CTBP2: variants seen among roughly 807,000 people sequenced by gnomAD.
The protein encoded by CTBP2 is C-terminal binding protein 2.
Under a neutral mutation model 80.3 loss-of-function variants are expected in CTBP2, and 30 were observed. The ratio of observed to expected loss-of-function variants is 0.37; its 90% CI spans 0.28 to 0.51. The LOEUF is 0.51. CTBP2 is among the 20% of genes least tolerant of loss of function. CTBP2 has a pLI of 0.93. For synonymous variants in CTBP2, 594 were observed against 587.4 expected, an observed-to-expected ratio of 1.01 and a Z score of -0.16; for missense variants, 1,212 against 1,375.3, an observed-to-expected ratio of 0.88 and a Z score of 1.88.
chr10:125,116,459 A>C (rs957539442), intron 1 of CTBP2, among the ~76,000 whole-genome samples: 2 of 151,688 alleles, frequency 1.3e-5, no homozygotes, highest in Non-Finnish European at 2.9e-5. Context: ...CCCTCCTCCC[A>C]ACACTCTGGC....
intron 1 of CTBP2, among the ~76,000 whole-genome samples, chr10:125,131,892 G>A (rs1856247952): frequency 6.6e-6 from 1 of 152,208 alleles, no homozygotes; most frequent in Non-Finnish European, 1.5e-5. Flanking sequence ...CACATTCCAT[G>A]TGGGAACTAT....
At chr10:125,055,806 G>A (rs1409916068) in intron 2 of CTBP2, among the ~76,000 whole-genome samples, 3 of 152,244 alleles carry the variant, frequency 2.0e-5, no homozygotes, top group African/African-American at 7.2e-5. Flanking sequence ...CCTCTGAGGA[G>A]TGGGACTGTG....
intron 5 of CTBP2, 141 bp downstream of exon 7, chr10:124,994,328 A>G: frequency 1.2e-6 from 1 of 848,402 alleles, no homozygotes; most frequent in Non-Finnish European, 1.9e-6. Context: ...GTGGCTTGTC[A>G]CTGGTTTGTT....
chr10:125,061,028 C>T (rs1472479553), intron 2 of CTBP2, among the ~76,000 whole-genome samples: 1 of 152,198 alleles, frequency 6.6e-6, no homozygotes, highest in Non-Finnish European at 1.5e-5. Flanking sequence ...CGGCTCCCGG[C>T]AACCCTCAAT....
At chr10:125,022,492 GAGGA>G (rs986310152) in intron 1 of CTBP2, among the ~76,000 whole-genome samples, 4 of 138,418 alleles carry the variant, frequency 2.9e-5, no homozygotes, top group African/African-American at 1.4e-4. Context: ...ACAGGTCAAT[GAGGA>G]AGGAAGGAAG....
Position 125,039,125 on chromosome 10 carries a change from G to A in CTBP2, c.-71C>T. On this transcript the variant is annotated 5_prime_UTR_variant, in exon 3 of 11. Transcript: ENST00000337195. ...CTCTAAGAACTTAGGGGAACTTGCAGGAGTCTGCGTGCATGACGCCACTAT... is the reference window on the plus strand; with the variant it reads ...CTCTAAGAACTTAGGGGAACTTGCAAGAGTCTGCGTGCATGACGCCACTAT... 3 of 1,386,272 alleles carry A rather than the reference G, an allele frequency of 2.2e-6. No individual in the cohort carries two copies. In the East Asian group the frequency reaches 6.9e-5, roughly 32 times the overall value. The allele number at this position is 1,386,272 out of a possible 1,614,324, so 85.9% of individuals were successfully genotyped here. A position where few individuals can be genotyped will look rare whatever the true frequency, so the allele number is the denominator to read the frequency against.
At chr10:125,070,571 T>C (rs890782164) in intron 2 of CTBP2, among the ~76,000 whole-genome samples, 2 of 148,020 alleles carry the variant, frequency 1.4e-5, no homozygotes, top group African/African-American at 5.0e-5. Context: ...ATGATAATGA[T>C]AATAATAATA....
intron 2 of CTBP2, among the ~76,000 whole-genome samples, chr10:125,080,475 C>T (rs1430666540): frequency 2.0e-5 from 3 of 152,152 alleles, no homozygotes; most frequent in East Asian, 3.8e-4. Flanking sequence ...GGGGATTGAG[C>T]GCTGTCGACC....
At chr10:125,120,778 A>G (rs971028119) in intron 1 of CTBP2, among the ~76,000 whole-genome samples, 5 of 152,222 alleles carry the variant, frequency 3.3e-5, no homozygotes, top group African/African-American at 1.2e-4. Context: ...CTCGGGCTCA[A>G]GTATTCTTCT....
chr10:125,033,039 G>T (rs1958424492), upstream of CTBP2, among the ~76,000 whole-genome samples: 1 of 152,202 alleles, frequency 6.6e-6, no homozygotes, highest in African/African-American at 2.4e-5. Flanking sequence ...GGATACGAAA[G>T]AACTGACTCT....
At chr10:125,011,341 T>A (rs977920733) in intron 1 of CTBP2, among the ~76,000 whole-genome samples, 4 of 152,174 alleles carry the variant, frequency 2.6e-5, no homozygotes, top group Non-Finnish European at 5.9e-5. Context: ...ATGTGACACA[T>A]GAGAGGCTCC....
intron 2 of CTBP2, among the ~76,000 whole-genome samples, chr10:125,081,728 G>C (rs1471664382): frequency 6.6e-6 from 1 of 151,986 alleles, no homozygotes; most frequent in Non-Finnish European, 1.5e-5. Context: ...TTAGAATCAA[G>C]ATTGACTGAT....
At chr10:125,134,881 TCCTGCCCCCTGCCC>T (rs139995927) in intron 1 of CTBP2, among the ~76,000 whole-genome samples, 212 of 130,050 alleles carry the variant, frequency 1.6e-3, no homozygotes, top group African/African-American at 6.5e-3. Flanking sequence ...TCCTCCTGCC[TCCTGCCCCCTGCCC>T]CCTGCCCCCG....
chr10:125,020,592 G>A (rs958598240), intron 1 of CTBP2, among the ~76,000 whole-genome samples: 8 of 152,144 alleles, frequency 5.3e-5, no homozygotes, highest in African/African-American at 1.7e-4. Flanking sequence ...ATGAAAACAC[G>A]GGTCAATCCC....
intron 3 of CTBP2, among the ~76,000 whole-genome samples, chr10:125,035,107 A>G (rs1958716292): frequency 6.6e-6 from 1 of 152,142 alleles, no homozygotes; most frequent in South Asian, 2.1e-4. Flanking sequence ...CCACTGGGGA[A>G]ACTCCCTTCC....
intron 3 of CTBP2, among the ~76,000 whole-genome samples, chr10:125,036,699 GTGTGTGTGTGTGTGTGTT>G (rs879388201): frequency 0.04 from 4,730 of 117,130 alleles, 133 homozygotes; most frequent in African/African-American, 0.11. Context: ...GTGTGTGTGT[GTGTGTGTGTGTGTGTGTT>G]TGTGTGTGTT....
intron 1 of CTBP2, among the ~76,000 whole-genome samples, chr10:125,140,729 A>G (rs191363717): frequency 1.1e-3 from 165 of 152,314 alleles, no homozygotes; most frequent in African/African-American, 3.5e-3. Flanking sequence ...AGGCTGAGGC[A>G]GGAAAATCAC....
At chr10:125,137,244 G>A (rs1052589793) in intron 1 of CTBP2, among the ~76,000 whole-genome samples, 9 of 152,236 alleles carry the variant, frequency 5.9e-5, no homozygotes, top group African/African-American at 2.2e-4. Context: ...TTGCTAGGAC[G>A]TGGGCCTCAG....
chr10:125,059,778 G>A (rs1170372258), intron 2 of CTBP2, among the ~76,000 whole-genome samples: 1 of 150,534 alleles, frequency 6.6e-6, no homozygotes, highest in Non-Finnish European at 1.5e-5. Flanking sequence ...TTTCCTGCCC[G>A]CCCACCCCCA....
Sources: allele counts gnomAD v4.1 joint callset (sites outside exome capture counted in the v4.1 genomes callset), GRCh38; gene constraint gnomAD v4.1.1; transcripts MANE v1.5; gene names NCBI Gene and HGNC (gene_info 2026-07-23, HGNC 2026-07-21).